PRIM2: variants seen among roughly 807,000 people sequenced by gnomAD.
The protein encoded by PRIM2 is DNA primase large subunit.
PRIM2 carries 39 observed loss-of-function variants against 67.3 expected under a neutral mutation model. That is an observed-to-expected ratio of 0.58 (90% CI 0.45 to 0.76). PRIM2 has a LOEUF of 0.76. PRIM2 is among the 30% of genes least tolerant of loss of function. PRIM2 has a pLI of 0.00. For missense variants in PRIM2, 398 were observed against 598.7 expected (o/e 0.66, Z 3.50); for synonymous variants, 143 against 198.7 (o/e 0.72, Z 2.36).
the PRIM2 span, among the ~76,000 whole-genome samples, chr6:57,304,502 A>G: frequency 6.6e-6 from 1 of 152,240 alleles, no homozygotes; most frequent in Non-Finnish European, 1.5e-5. Flanking sequence ...TGCTCCTGCC[A>G]TTCCACTGGA....
chr6:57,282,965 AAC>A, the PRIM2 span, among the ~76,000 whole-genome samples: 1 of 152,142 alleles, frequency 6.6e-6, no homozygotes. Context: ...TCTCAGGCAT[AAC>A]TATCTGGGAG....
At chr6:57,336,475 C>G (rs1269895501) in intron 5 of PRIM2, among the ~76,000 whole-genome samples, 2 of 152,186 alleles carry the variant, frequency 1.3e-5, no homozygotes, top group Non-Finnish European at 2.9e-5. Context: ...TTGGGTTACC[C>G]TCAAAGGGAA....
intron 12 of PRIM2, among the ~76,000 whole-genome samples, chr6:57,622,536 G>A (rs1776878325): frequency 6.6e-6 from 1 of 152,042 alleles, no homozygotes; most frequent in Admixed American, 6.5e-5. Context: ...TCAAGATTTT[G>A]ATTGAAATGA....
chr6:57,358,754 A>G (rs919174838), intron 5 of PRIM2, among the ~76,000 whole-genome samples: 1 of 152,200 alleles, frequency 6.6e-6, no homozygotes, highest in African/African-American at 2.4e-5. Context: ...TATAAGTATT[A>G]TATAAATAAT....
At chr6:57,570,044 T>C (rs1170727937) in intron 10 of PRIM2, among the ~76,000 whole-genome samples, 1 of 152,214 alleles carries the variant, frequency 6.6e-6, no homozygotes, top group Non-Finnish European at 1.5e-5. Flanking sequence ...CCTGCCACTT[T>C]GTTTAACTTT....
intron 5 of PRIM2, among the ~76,000 whole-genome samples, chr6:57,358,171 C>A (rs1380105042): frequency 6.6e-6 from 1 of 152,176 alleles, no homozygotes; most frequent in Non-Finnish European, 1.5e-5. Flanking sequence ...GTTGTTTGTT[C>A]TTAGTTTGTG....
chr6:57,640,341 C>T (rs1187664688), intron 13 of PRIM2, among the ~76,000 whole-genome samples: 2 of 152,178 alleles, frequency 1.3e-5, no homozygotes, highest in Non-Finnish European at 2.9e-5. Context: ...CAAGGATGCC[C>T]TCTCTCACCA....
At chr6:57,634,207 G>T (rs2127499949) in intron 13 of PRIM2, among the ~76,000 whole-genome samples, 1 of 152,220 alleles carries the variant, frequency 6.6e-6, no homozygotes, top group East Asian at 1.9e-4. Context: ...GAGGTAATTG[G>T]CATTTTCCTG....
chr6:57,323,186 G>C (rs1767718759), intron 3 of PRIM2, among the ~76,000 whole-genome samples: 1 of 151,472 alleles, frequency 6.6e-6, no homozygotes, highest in African/African-American at 2.4e-5. Flanking sequence ...TTATTATTTT[G>C]GATCCAACTG....
chr6:57,433,552 G>A (rs1222692482), intron 7 of PRIM2, among the ~76,000 whole-genome samples: 2 of 152,146 alleles, frequency 1.3e-5, no homozygotes, highest in East Asian at 3.9e-4. Flanking sequence ...CCTTAGGGGA[G>A]CAATTTGTTC....
intron 10 of PRIM2, among the ~76,000 whole-genome samples, chr6:57,542,963 C>G (rs1165764068): frequency 6.9e-5 from 1 of 14,508 alleles, no homozygotes; most frequent in Non-Finnish European, 1.3e-4. Context: ...TTTTTTGAGA[C>G]GGAGTCTCGC....
chr6:57,224,567 T>C, the PRIM2 span, among the ~76,000 whole-genome samples: 1 of 152,162 alleles, frequency 6.6e-6, no homozygotes, highest in Non-Finnish European at 1.5e-5. Context: ...TTGAACTTTA[T>C]ACTTAAAAAT....
At chr6:57,472,337 G>A (rs1773356092) in intron 7 of PRIM2, among the ~76,000 whole-genome samples, 1 of 151,612 alleles carries the variant, frequency 6.6e-6, no homozygotes, top group African/African-American at 2.4e-5. Flanking sequence ...GGCTGAGGCA[G>A]GAGAATCGCT....
At chr6:57,621,321 G>C (rs1399104508) in intron 12 of PRIM2, among the ~76,000 whole-genome samples, 1 of 152,106 alleles carries the variant, frequency 6.6e-6, no homozygotes, top group Admixed American at 6.5e-5. Context: ...AAGGGCCTTA[G>C]TTCTATTAAT....
intron 7 of PRIM2, chr6:57,389,995 A>G (rs2127346317): frequency 6.5e-6 from 1 of 154,886 alleles, no homozygotes; most frequent in South Asian, 2.0e-4. Context: ...AAATCCATCA[A>G]TATGCAAGTA....
In PRIM2 at chr6:57,431,576, A is replaced by T. The variant is rs1382678478; in HGVS notation, c.693+49408A>T. Among the ~76,000 whole-genome samples the T allele has an allele frequency of 3.9e-5, 6 of 151,970 alleles. No individual in the cohort carries two copies. The South Asian group carries it at 8.3e-4, about 21-fold the overall frequency. ...GGTAAGAGGATTGCCTTAGCCCAGGATTTGAGGCTACAGTGAGCAATGATA... is the reference window on the plus strand; with the variant it reads ...GGTAAGAGGATTGCCTTAGCCCAGGTTTTGAGGCTACAGTGAGCAATGATA... On this transcript the variant is annotated intron_variant, in intron 7 of 13. Transcript: ENST00000615550.
chr6:57,429,993 T>C (rs1340816549), intron 7 of PRIM2, among the ~76,000 whole-genome samples: 1 of 152,218 alleles, frequency 6.6e-6, no homozygotes, highest in African/African-American at 2.4e-5. Flanking sequence ...AATTGTTTCT[T>C]ATTTTAGTTC....
At chr6:57,335,745 C>G (rs976842239) in intron 5 of PRIM2, among the ~76,000 whole-genome samples, 1 of 152,130 alleles carries the variant, frequency 6.6e-6, no homozygotes, top group Admixed American at 6.5e-5. Context: ...TAGATAAAAC[C>G]ACAAAGATGG....
At chr6:57,318,378 T>C in intron 1 of PRIM2, 59 bp from the exon 2 acceptor site, 1 of 1,475,062 alleles carries the variant, frequency 6.8e-7, no homozygotes, top group Non-Finnish European at 9.1e-7. Flanking sequence ...TGTTTTTTCT[T>C]TTTTTTCCCC....
Sources: gnomAD v4.1 joint callset for allele counts (sites outside exome capture counted in the v4.1 genomes callset) on GRCh38, gnomAD v4.1.1 for gene constraint, MANE v1.5 for transcripts, NCBI Gene and HGNC (gene_info 2026-07-23, HGNC 2026-07-21) for gene names.